ELF1: variants seen among roughly 807,000 people sequenced by gnomAD.
ELF1 encodes ETS-related transcription factor Elf-1.
Under a neutral mutation model 59.9 loss-of-function variants are expected in ELF1, and 24 were observed. That is an observed-to-expected ratio of 0.40 (90% CI 0.29 to 0.56). The LOEUF is 0.56. ELF1 is among the 20% of genes least tolerant of loss of function. The pLI is 0.44. For synonymous variants in ELF1, 248 were observed against 266.2 expected (o/e 0.93, Z 0.67); for missense variants, 627 against 742.2 (o/e 0.84, Z 1.80).
chr13:40,986,370 T>C (rs1873549022), intron 1 of ELF1, among the ~76,000 whole-genome samples: 1 of 151,198 alleles, frequency 6.6e-6, no homozygotes, highest in African/African-American at 2.4e-5. Flanking sequence ...GATGCAAAAA[T>C]GCATGTGCAG....
At chr13:41,061,335 G>A (rs1366265762) in exon 1 of ELF1, 1 of 446,900 alleles carries the variant, frequency 2.2e-6, no homozygotes, top group Non-Finnish European at 4.1e-6. Context: ...ATGGCGCAGG[G>A]ACTTGAGGCT....
chr13:40,956,993 A>C (rs991536237), intron 3 of ELF1, among the ~76,000 whole-genome samples: 1 of 145,512 alleles, frequency 6.9e-6, no homozygotes, highest in African/African-American at 2.5e-5. Context: ...TGCCCAGCCT[A>C]TTACATGTTT....
intron 2 of ELF1, among the ~76,000 whole-genome samples, chr13:40,967,614 A>G (rs951542099): frequency 5.9e-5 from 9 of 152,166 alleles, no homozygotes; most frequent in African/African-American, 2.2e-4. Context: ...TTTTTTTGAG[A>G]CAGGGTCTTG....
At chr13:41,029,191 G>A (rs771119166) in intron 1 of ELF1, among the ~76,000 whole-genome samples, 11 of 152,164 alleles carry the variant, frequency 7.2e-5, no homozygotes, top group Non-Finnish European at 7.3e-5. Context: ...CTACAATTTC[G>A]TAATTGTCTC....
rs200761740 is a variant in ELF1 at position 41,003,574 on chromosome 13, G to A, written c.-229+15654C>T. On this transcript the variant is annotated intron_variant, in intron 1 of 8. Transcript: ENST00000239882. The stretch of plus-strand genomic sequence containing the variant: ...AAAATTATTGCTCTGTTGACAAGAC[G>A]ACTGCAATTTATAACCCTCCAATCA... 6.6e-5 allele frequency among the ~76,000 whole-genome samples: 10 copies of A among 152,204 alleles called. No individual in the cohort carries two copies. The East Asian group carries it at 1.2e-3, about 18-fold the overall frequency.
At chr13:40,982,307 T>C (rs1873319225) in intron 1 of ELF1, 25 bp from the exon 2 acceptor site, 2 of 1,219,198 alleles carry the variant, frequency 1.6e-6, no homozygotes, top group Middle Eastern at 3.1e-4. Flanking sequence ...CTCAGATTAG[T>C]TATGAAAAAG....
At chr13:41,026,678 C>T (rs183767399) in intron 1 of ELF1, among the ~76,000 whole-genome samples, 16 of 152,300 alleles carry the variant, frequency 1.1e-4, no homozygotes, top group Admixed American at 1.0e-3. Context: ...ACATTCACCA[C>T]GGGCCACCAA....
intron 1 of ELF1, among the ~76,000 whole-genome samples, chr13:41,054,950 C>T (rs1401396509): frequency 1.3e-5 from 2 of 152,226 alleles, no homozygotes; most frequent in African/African-American, 4.8e-5. Context: ...CAAGGGGCTT[C>T]GTAAAATAAA....
Position 40,932,259 on chromosome 13 carries a change from T to G in ELF1, c.*1166A>C, listed in dbSNP as rs1445157997. 1.3e-5 allele frequency: 2 copies of G among 152,224 alleles called. No individual in the cohort carries two copies. The highest frequency in any genetic ancestry group is 2.9e-5 in the Non-Finnish European group (2 of 68,046). The allele number at this position is 152,224 out of a possible 1,614,324, so 9.4% of individuals were successfully genotyped here. On this transcript the variant is annotated 3_prime_UTR_variant, in exon 9 of 9. Transcript: ENST00000239882. ...GACATTAAATGTACATTATTTACAGTTGAAAAAGTAATCTAAAAACATTTC... is the reference window on the plus strand; with the variant it reads ...GACATTAAATGTACATTATTTACAGGTGAAAAAGTAATCTAAAAACATTTC...
chr13:40,951,878 A>C (rs188552264), intron 3 of ELF1, among the ~76,000 whole-genome samples: 9 of 152,044 alleles, frequency 5.9e-5, no homozygotes, highest in Non-Finnish European at 1.3e-4. Context: ...AAAAAAAAAA[A>C]CAGAAACTAT....
At chr13:40,989,584 T>C (rs1368465057) in intron 1 of ELF1, among the ~76,000 whole-genome samples, 1 of 151,482 alleles carries the variant, frequency 6.6e-6, no homozygotes, top group Admixed American at 6.6e-5. Context: ...TCTTTATTAA[T>C]TCAAAACATT....
intron 1 of ELF1, among the ~76,000 whole-genome samples, chr13:41,007,627 ATGT>A (rs1874828799): frequency 6.6e-6 from 1 of 152,208 alleles, no homozygotes; most frequent in Non-Finnish European, 1.5e-5. Context: ...TCTTTGACGA[ATGT>A]TGATTTCCTC....
chr13:41,060,397 A>G (rs903966769), intron 1 of ELF1, among the ~76,000 whole-genome samples: 1 of 152,208 alleles, frequency 6.6e-6, no homozygotes, highest in African/African-American at 2.4e-5. Context: ...GAGATAACGC[A>G]AGGCCGGAGT....
At chr13:40,970,469 A>C (rs1423355371) in intron 2 of ELF1, among the ~76,000 whole-genome samples, 1 of 152,266 alleles carries the variant, frequency 6.6e-6, no homozygotes, top group Non-Finnish European at 1.5e-5. Context: ...TAAGAATCCA[A>C]GTGTATACAG....
chr13:40,984,506 C>T (rs1031079376), intron 1 of ELF1, among the ~76,000 whole-genome samples: 2 of 152,068 alleles, frequency 1.3e-5, no homozygotes, highest in Non-Finnish European at 2.9e-5. Context: ...AGTTCAAGGC[C>T]GTAGTGAGCC....
intron 1 of ELF1, among the ~76,000 whole-genome samples, chr13:41,016,937 A>T (rs1166694244): frequency 1.1e-4 from 11 of 96,744 alleles, no homozygotes; most frequent in African/African-American, 4.4e-4. Context: ...AAAAAAAAAA[A>T]AAAAAAAAAA....
chr13:40,951,072 G>A (rs1870816792), intron 4 of ELF1, among the ~76,000 whole-genome samples: 1 of 152,146 alleles, frequency 6.6e-6, no homozygotes, highest in African/African-American at 2.4e-5. Flanking sequence ...TATGTTAAGA[G>A]AAGAAATTCT....
chr13:40,982,595 G>A (rs1593378036), intron 1 of ELF1, among the ~76,000 whole-genome samples: 1 of 149,882 alleles, frequency 6.7e-6, no homozygotes, highest in South Asian at 2.1e-4. Context: ...AATGAGGGTT[G>A]TAATCGCAAT....
chr13:41,055,248 T>C (rs1877241561), intron 1 of ELF1, among the ~76,000 whole-genome samples: 3 of 152,076 alleles, frequency 2.0e-5, no homozygotes, highest in Admixed American at 1.3e-4. Flanking sequence ...TAAAAACACA[T>C]TGTCCACTAC....
Sources: allele counts gnomAD v4.1 joint callset (sites outside exome capture counted in the v4.1 genomes callset), GRCh38; gene constraint gnomAD v4.1.1; transcripts MANE v1.5; gene names NCBI Gene and HGNC (gene_info 2026-07-23, HGNC 2026-07-21).